The following DMD variants were observed in gnomAD, a reference collection of about 807,000 sequenced individuals.
DMD encodes dystrophin.
A neutral mutation model predicts 330.1 loss-of-function variants in DMD; 63 were observed. The ratio of observed to expected loss-of-function variants is 0.19; its 90% CI spans 0.16 to 0.24. DMD has a LOEUF of 0.24. Among genes scored for constraint, DMD ranks in the 10% least tolerant of loss-of-function variants. The pLI, the probability that DMD is intolerant of heterozygous loss-of-function variation, is 1.00. For missense variants in DMD, 3,344 were observed against 2,684.1 expected, an observed-to-expected ratio of 1.25 and a Z score of -5.43; for synonymous variants, 1,223 against 959.8, an observed-to-expected ratio of 1.27 and a Z score of -5.07.
At chrX:32,935,390 T>C (rs943130962) in intron 2 of DMD, among the ~76,000 whole-genome samples, 7 of 112,554 alleles carry the variant, frequency 6.2e-5, no homozygotes, top group African/African-American at 1.9e-4. Flanking sequence ...ATTTGCAATA[T>C]GACCTAGAAG....
At chrX:31,453,589 G>C (rs1302759543) in intron 59 of DMD, among the ~76,000 whole-genome samples, 1 of 109,718 alleles carries the variant, frequency 9.1e-6, no homozygotes, top group Non-Finnish European at 1.9e-5. Context: ...CATTTAAATA[G>C]AGCCAAGATA....
chrX:33,284,983 T>C lies in DMD; in HGVS notation c.7+54276A>G, dbSNP rs186130165. The stretch of plus-strand genomic sequence containing the variant: ...AACAGTACTTCATAGCATCCTGCTC[T>C]TCAAAGCAACATCTGTGGCTCTTTT... On this transcript the variant is annotated intron_variant, in intron 1 of 17. Coordinates refer to the DMD transcript ENST00000288447. 2.0e-4 allele frequency among the ~76,000 whole-genome samples: 22 copies of C among 110,107 alleles called. 1 individual carries two copies. In the East Asian group the frequency reaches 6.4e-3, roughly 32 times the overall value.
chrX:32,844,749 A>T, intron 4 of DMD, 34 bp downstream of exon 4: 1 of 1,146,671 alleles, frequency 8.7e-7, no homozygotes. Flanking sequence ...ATGCTGTGTC[A>T]CAGCATCCAG....
Position 32,885,827 on chromosome X carries a change from G to GGGA in DMD, c.94-36008_94-36007insTCC, listed in dbSNP as rs1557115361. On this transcript the variant is annotated intron_variant, in intron 2 of 78. Coordinates refer to ENST00000357033, the MANE Select transcript of DMD (RefSeq NM_004006.3). ...CTCCGTAATTGTTTCCCTTGAGGGG[G>GGGA]AAAAAAAAAAAAAAAAAAAAAACCT... Among the ~76,000 whole-genome samples the GGGA allele has an allele frequency of 6.9e-3, 449 of 64,957 alleles. 8 individuals are homozygous for GGGA. The highest frequency in any genetic ancestry group is 0.023 in the African/African-American group (409 of 17,427). 56.4% of individuals were successfully genotyped at this position (64,957 alleles called of 115,157 possible).
At position 32,102,941 on chromosome X, in the gene DMD, TC is replaced by T. The variant is rs763845486; in HGVS notation, c.6438+113974del. Among the ~76,000 whole-genome samples, 205 of 112,004 alleles carry T rather than the reference TC, an allele frequency of 1.8e-3. 1 individual carries two copies. Among genetic ancestry groups the T allele is most frequent in the Middle Eastern group, 4.6e-3 (1 of 216 alleles). ...ACTGAGAATTTATAAAAACATTTTA[TC>T]CCCTTGTAGAAATCGATCTCAAACT... is the stretch of plus-strand genomic sequence containing the variant. On this transcript the variant is annotated intron_variant, in intron 44 of 78. Transcript: ENST00000357033.
intron 59 of DMD, among the ~76,000 whole-genome samples, chrX:31,446,094 A>C (rs1194528544): frequency 8.9e-6 from 1 of 111,765 alleles, no homozygotes; most frequent in Non-Finnish European, 1.9e-5. Context: ...CTCCAAATAA[A>C]AGGAGCCAGT....
chrX:32,215,823 T>C (rs2097110262), intron 44 of DMD, among the ~76,000 whole-genome samples: 1 of 112,079 alleles, frequency 8.9e-6, no homozygotes, highest in South Asian at 3.6e-4. Context: ...ATTTCCTCTC[T>C]ATACAAATGC....
intron 52 of DMD, among the ~76,000 whole-genome samples, chrX:31,686,580 T>G (rs1218806335): frequency 1.8e-5 from 2 of 112,323 alleles, no homozygotes; most frequent in African/African-American, 6.5e-5. Flanking sequence ...TAGTAGAATA[T>G]CTGTGCCTTA....
chrX:33,116,100 G>A (rs1318015888), intron 1 of DMD, among the ~76,000 whole-genome samples: 1 of 109,671 alleles, frequency 9.1e-6, no homozygotes, highest in Admixed American at 9.8e-5. Flanking sequence ...GGCTGAGGCA[G>A]AAAAATCGCT....
chrX:33,221,580 A>T (rs1381468573), intron 1 of DMD, among the ~76,000 whole-genome samples: 2 of 111,498 alleles, frequency 1.8e-5, no homozygotes, highest in African/African-American at 6.5e-5. Flanking sequence ...TCATTAACAA[A>T]GAGCTATTTT....
intron 60 of DMD, among the ~76,000 whole-genome samples, chrX:31,400,668 T>C (rs966169315): frequency 2.7e-5 from 3 of 110,365 alleles, no homozygotes; most frequent in Non-Finnish European, 5.7e-5. Flanking sequence ...AAAATCAATA[T>C]AATTGAATAC....
intron 2 of DMD, among the ~76,000 whole-genome samples, chrX:32,871,622 C>G (rs933442161): frequency 1.3e-4 from 14 of 111,325 alleles, no homozygotes; most frequent in Admixed American, 1.2e-3. Context: ...TAAATAAGAG[C>G]TGGGAAGATT....
At position 32,837,011 on chromosome X, in the gene DMD, T is replaced by TA. The variant is rs759088704; in HGVS notation, c.264+7771dup. Among the ~76,000 whole-genome samples the TA allele has an allele frequency of 3.6e-5, 4 of 111,484 alleles. No individual in the cohort carries two copies. In the East Asian group the frequency reaches 8.5e-4, roughly 24 times the overall value. On this transcript the variant is annotated intron_variant, in intron 4 of 78. Coordinates refer to ENST00000357033, the MANE Select transcript of DMD (RefSeq NM_004006.3). ...CTCCAGAAGAATAGGAAGGAGTCCT[T>TA]AGTCCCCAAATTAGCCAGAAACCAC...
chrX:32,034,854 A>T (rs1231415474), intron 44 of DMD, among the ~76,000 whole-genome samples: 1 of 111,119 alleles, frequency 9.0e-6, no homozygotes, highest in Non-Finnish European at 1.9e-5. Flanking sequence ...CCTAGTAAAT[A>T]GAACATAAAA....
chrX:32,776,129 T>C (rs57369685), intron 7 of DMD, among the ~76,000 whole-genome samples: 9,242 of 111,182 alleles, frequency 0.083, 971 homozygotes, highest in African/African-American at 0.29. Flanking sequence ...CAAGAGTCAC[T>C]TTTACTCCAG....
chrX:33,249,564 G>T (rs1202722789), intron 1 of DMD, among the ~76,000 whole-genome samples: 1 of 111,429 alleles, frequency 9.0e-6, no homozygotes, highest in African/African-American at 3.3e-5. Flanking sequence ...TATTACTTAC[G>T]ACATTATGTT....
At chrX:32,598,379 T>C (rs940531887) in intron 12 of DMD, among the ~76,000 whole-genome samples, 3 of 111,556 alleles carry the variant, frequency 2.7e-5, no homozygotes, top group Non-Finnish European at 5.7e-5. Context: ...CTGAGTTATA[T>C]AAGACAGGAC....
intron 44 of DMD, among the ~76,000 whole-genome samples, chrX:32,014,690 A>G (rs1373988577): frequency 8.9e-6 from 1 of 112,094 alleles, no homozygotes; most frequent in Non-Finnish European, 1.9e-5. Context: ...ACTTGCCATT[A>G]CTATTACTAG....
intron 1 of DMD, among the ~76,000 whole-genome samples, chrX:33,116,785 C>A (rs995467825): frequency 9.0e-6 from 1 of 110,994 alleles, no homozygotes; most frequent in African/African-American, 3.3e-5. Flanking sequence ...GAAAAAGATT[C>A]CAGAAAGGGG....
Sources: allele counts gnomAD v4.1 joint callset (sites outside exome capture counted in the v4.1 genomes callset), GRCh38; gene constraint gnomAD v4.1.1; transcripts MANE v1.5; gene names NCBI Gene and HGNC (gene_info 2026-07-23, HGNC 2026-07-21).